ASTN2: variants seen among roughly 807,000 people sequenced by gnomAD.
The protein encoded by ASTN2 is astrotactin 2.
Under a neutral mutation model 139.8 loss-of-function variants are expected in ASTN2, and 54 were observed. That is an observed-to-expected ratio of 0.39 (90% confidence interval 0.31 to 0.48). The LOEUF is 0.48. ASTN2 is among the 20% of genes least tolerant of loss of function. ASTN2 has a pLI of 0.95. For synonymous variants in ASTN2, 756 were observed against 719.5 expected (o/e 1.05, Z -0.81); for missense variants, 1,565 against 1,725.1 (o/e 0.91, Z 1.64).
chr9:117,158,141 C>T (rs145801677), intron 3 of ASTN2, among the ~76,000 whole-genome samples: 105 of 152,092 alleles, frequency 6.9e-4, no homozygotes, highest in African/African-American at 2.5e-3. Context: ...TGCTCAAAGT[C>T]TCAATAGTAA....
intron 10 of ASTN2, among the ~76,000 whole-genome samples, chr9:116,904,752 C>T (rs897546039): frequency 5.9e-5 from 9 of 152,170 alleles, no homozygotes; most frequent in Non-Finnish European, 1.2e-4. Flanking sequence ...TAGGCCATTT[C>T]CATTTCTTAA....
chr9:116,785,005 AT>A (rs2132212047), intron 13 of ASTN2, among the ~76,000 whole-genome samples: 1 of 152,026 alleles, frequency 6.6e-6, no homozygotes, highest in South Asian at 2.1e-4. Flanking sequence ...GACTGTCTGG[AT>A]TCCAATCCTG....
intron 2 of ASTN2, among the ~76,000 whole-genome samples, chr9:117,270,433 A>G (rs1834036694): frequency 6.6e-6 from 1 of 152,158 alleles, no homozygotes; most frequent in Non-Finnish European, 1.5e-5. Context: ...GTGGAATCAT[A>G]AAGTATTTGT....
At chr9:117,005,861 A>G (rs1837339625) in intron 7 of ASTN2, among the ~76,000 whole-genome samples, 1 of 150,850 alleles carries the variant, frequency 6.6e-6, no homozygotes, top group Non-Finnish European at 1.5e-5. Context: ...TAATCCTTGA[A>G]CTTGTTTCCC....
At chr9:116,439,917 T>C (rs781035375) in intron 22 of ASTN2, among the ~76,000 whole-genome samples, 5 of 152,222 alleles carry the variant, frequency 3.3e-5, no homozygotes, top group African/African-American at 4.8e-5. Flanking sequence ...ATTTCTACCT[T>C]TTTATCGTTG....
intron 1 of ASTN2, among the ~76,000 whole-genome samples, chr9:117,298,668 G>GTATATATATA (rs1236524831): frequency 5.8e-5 from 2 of 34,502 alleles, no homozygotes; most frequent in African/African-American, 1.5e-4. Flanking sequence ...ATATATATAT[G>GTATATATATA]TGTATATATA....
At chr9:116,884,416 G>C (rs144465717) in intron 10 of ASTN2, among the ~76,000 whole-genome samples, 2 of 152,276 alleles carry the variant, frequency 1.3e-5, no homozygotes, top group African/African-American at 4.8e-5. Context: ...GACATCAGTA[G>C]AGTTGGCTGT....
At position 116,852,772 on chromosome 9, in the gene ASTN2, A is replaced by G. The variant is rs7852579; in HGVS notation, c.2040+10811T>C. On this transcript the variant is annotated intron_variant, in intron 11 of 22. Transcript: ENST00000313400. Reference sequence around the variant, plus strand: ...ATAAAAGCATGTTATCCTGGGTGGAAGAGAGTCCTACACTGGAATTTCAGA... The same window carrying G: ...ATAAAAGCATGTTATCCTGGGTGGAGGAGAGTCCTACACTGGAATTTCAGA... 6.1e-3 allele frequency among the ~76,000 whole-genome samples: 921 copies of G among 152,196 alleles called. 8 individuals carry two copies. The highest frequency in any genetic ancestry group is 0.021 in the African/African-American group (866 of 41,512).
At chr9:117,161,632 G>C (rs754852960) in intron 3 of ASTN2, among the ~76,000 whole-genome samples, 3 of 152,066 alleles carry the variant, frequency 2.0e-5, no homozygotes, top group Non-Finnish European at 4.4e-5. Context: ...GACTTCAAGT[G>C]ATCTGCCCAC....
chr9:116,932,648 C>G (rs537228321), intron 10 of ASTN2, among the ~76,000 whole-genome samples: 8 of 152,158 alleles, frequency 5.3e-5, no homozygotes, highest in Middle Eastern at 3.4e-3. Context: ...GCTACAGGAA[C>G]CTGGAGTTCT....
At chr9:116,488,048 T>C (rs764824441) in intron 19 of ASTN2, among the ~76,000 whole-genome samples, 10 of 152,110 alleles carry the variant, frequency 6.6e-5, no homozygotes, top group Admixed American at 6.5e-5. Context: ...GTTCTGTGAT[T>C]GATTAGTGAT....
At chr9:117,356,393 C>G (rs147688505) in intron 1 of ASTN2, among the ~76,000 whole-genome samples, 3 of 152,104 alleles carry the variant, frequency 2.0e-5, no homozygotes, top group Non-Finnish European at 4.4e-5. Context: ...ATGTTTGATA[C>G]GATGAAATTA....
chr9:116,975,774 TTATC>T (rs140666910), intron 9 of ASTN2, among the ~76,000 whole-genome samples: 12,208 of 152,234 alleles, frequency 0.08, 664 homozygotes, highest in Non-Finnish European at 0.1. Flanking sequence ...CTGTATGTCT[TTATC>T]TACATGTTCA....
intron 10 of ASTN2, among the ~76,000 whole-genome samples, chr9:116,943,786 G>A (rs1835302465): frequency 1.3e-5 from 2 of 152,152 alleles, no homozygotes; most frequent in African/African-American, 4.8e-5. Context: ...CCATTCCATT[G>A]CAACGCATTC....
At chr9:116,687,228 G>C (rs144793422) in intron 16 of ASTN2, 2 of 1,004,534 alleles carry the variant, frequency 2.0e-6, no homozygotes, top group Non-Finnish European at 2.4e-6. Context: ...CCAGCTGCAC[G>C]ACAAGCCCCA....
chr9:116,608,575 C>A (rs1286666748), intron 19 of ASTN2, among the ~76,000 whole-genome samples: 1 of 151,880 alleles, frequency 6.6e-6, no homozygotes, highest in African/African-American at 2.4e-5. Context: ...CTCTTTTGAA[C>A]AAAAGAGTTT....
intron 1 of ASTN2, among the ~76,000 whole-genome samples, chr9:117,363,958 T>C (rs1449333517): frequency 6.6e-6 from 1 of 152,220 alleles, no homozygotes; most frequent in African/African-American, 2.4e-5. Flanking sequence ...TGTTTTGTTT[T>C]GTATCCACCT....
At chr9:117,381,352 G>A (rs1386350359) in intron 1 of ASTN2, among the ~76,000 whole-genome samples, 1 of 152,112 alleles carries the variant, frequency 6.6e-6, no homozygotes, top group Non-Finnish European at 1.5e-5. Flanking sequence ...TCCAATATGA[G>A]ATACATTCCA....
At chr9:117,302,203 C>G (rs930775265) in intron 1 of ASTN2, among the ~76,000 whole-genome samples, 2 of 152,036 alleles carry the variant, frequency 1.3e-5, no homozygotes, top group African/African-American at 4.8e-5. Context: ...CCACCTTGTC[C>G]CCAGTGCCCC....
Sources: allele counts gnomAD v4.1 joint callset (sites outside exome capture counted in the v4.1 genomes callset), GRCh38; gene constraint gnomAD v4.1.1; transcripts MANE v1.5; gene names NCBI Gene and HGNC (gene_info 2026-07-23, HGNC 2026-07-21).